TRIM24: variants seen among roughly 807,000 people sequenced by gnomAD.
TRIM24 encodes transcription intermediary factor 1-alpha.
In TRIM24, 29 loss-of-function variants were observed where a neutral mutation model predicts 123.9. The ratio of observed to expected loss-of-function variants is 0.23; its 90% CI spans 0.17 to 0.32. The LOEUF is 0.32. Among genes scored for constraint, TRIM24 ranks in the 10% least tolerant of loss-of-function variants. The probability of loss-of-function intolerance (pLI) is 1.00; values close to 1 mark genes in which losing one functional copy is unlikely to be tolerated. For missense variants in TRIM24, 932 were observed against 1,295.3 expected (o/e 0.72, Z 4.31); for synonymous variants, 456 against 461.1 (o/e 0.99, Z 0.14).
chr7:138,550,535 G>A (rs1797190190), intron 7 of TRIM24, among the ~76,000 whole-genome samples: 1 of 152,126 alleles, frequency 6.6e-6, no homozygotes, highest in African/African-American at 2.4e-5. Flanking sequence ...ATTGATGACT[G>A]CAGCGTGGAG....
Position 138,519,338 on chromosome 7 carries a change from T to TTA in TRIM24, c.764+26_764+27dup. ...AGAGCATAGGTACCAGCATCTTTGG[T>TTA]TATATATATAGATTCATATGCAGCT... On this transcript the variant is annotated intron_variant, in intron 4 of 18. Coordinates refer to ENST00000343526, the MANE Select transcript of TRIM24 (RefSeq NM_015905.3). The TTA allele has an allele frequency of 6.3e-7, 1 of 1,586,586 alleles. No homozygotes were observed. Among genetic ancestry groups the TTA allele is most frequent in the Non-Finnish European group, 8.6e-7 (1 of 1,168,970 alleles).
chr7:138,475,583 G>A (rs1276177220), intron 1 of TRIM24, among the ~76,000 whole-genome samples: 1 of 152,146 alleles, frequency 6.6e-6, no homozygotes, highest in African/African-American at 2.4e-5. Context: ...GTGCAGTGGT[G>A]TGATCTCACT....
chr7:138,580,790 T>C (rs1467993484), intron 16 of TRIM24, 96 bp downstream of exon 16: 3 of 1,149,384 alleles, frequency 2.6e-6, no homozygotes, highest in Non-Finnish European at 3.5e-6. Flanking sequence ...GATTTTATAC[T>C]GATCCTTTTT....
chr7:138,479,968 G>A (rs115876002), intron 1 of TRIM24, among the ~76,000 whole-genome samples: 3,143 of 151,644 alleles, frequency 0.021, 109 homozygotes, highest in African/African-American at 0.072. Flanking sequence ...ACAGACATGC[G>A]CCAACACCTC....
At position 138,460,853 on chromosome 7, in the gene TRIM24, C is replaced by T. The variant is rs1274262303; in HGVS notation, c.305C>T (p.Pro102Leu). The T allele has an allele frequency of 6.4e-7, 1 of 1,558,370 alleles. No individual in the cohort carries two copies. Among genetic ancestry groups the T allele is most frequent in the Non-Finnish European group, 8.6e-7 (1 of 1,160,884 alleles). ...CCCATGCTGGGCTCGGCCGAGACCC[C>T]GCCACCCGTCCCTGCCCCCGGCTCG... is the stretch of plus-strand genomic sequence containing the variant. ...PAPMLGSAET[P>L]PPVPAPGSPV... Residue 102 changes from proline (P) to leucine (L), a missense_variant, in exon 1 of 19, where the codon CCG becomes CTG. Transcript: ENST00000343526.
chr7:138,554,570 G>T lies in TRIM24; in HGVS notation c.1262-128G>T. On this transcript the variant is annotated intron_variant, in intron 8 of 18. Coordinates refer to ENST00000343526, the MANE Select transcript of TRIM24 (RefSeq NM_015905.3). The surrounding 1 kb of genome is among the most constrained non-coding windows in gnomAD (Gnocchi z 4.5). The stretch of plus-strand genomic sequence containing the variant: ...CTGTTTGGGGGTTCTCTTTCAGAGT[G>T]TTAAAGGGCTCATGAGATCAGAGAA... 1 of 937,088 alleles carries T rather than the reference G, an allele frequency of 1.1e-6. No individual in the cohort carries two copies. Among genetic ancestry groups the T allele is most frequent in the East Asian group, 2.6e-5 (1 of 38,442 alleles). 58.0% of individuals were successfully genotyped at this position (937,088 alleles called of 1,614,324 possible). A position where few individuals can be genotyped will look rare whatever the true frequency, so the allele number is the denominator to read the frequency against.
intron 1 of TRIM24, among the ~76,000 whole-genome samples, chr7:138,496,597 A>G (rs146845795): frequency 1.3e-5 from 2 of 152,188 alleles, no homozygotes; most frequent in East Asian, 1.9e-4. Context: ...AGAAGTTTCC[A>G]TCTGTTGTTA....
intron 11 of TRIM24, among the ~76,000 whole-genome samples, chr7:138,571,396 A>C (rs1584744948): frequency 6.6e-6 from 1 of 152,348 alleles, no homozygotes; most frequent in South Asian, 2.1e-4. Flanking sequence ...AATCCTTTAG[A>C]ATATTACAAC....
chr7:138,546,047 A>C (rs1308947456), intron 7 of TRIM24, among the ~76,000 whole-genome samples: 1 of 152,222 alleles, frequency 6.6e-6, no homozygotes, highest in Non-Finnish European at 1.5e-5. Flanking sequence ...AGGACTAATT[A>C]GTGGCTGTAA....
intron 9 of TRIM24, among the ~76,000 whole-genome samples, chr7:138,563,495 A>G (rs1797469714): frequency 6.6e-6 from 1 of 151,972 alleles, no homozygotes; most frequent in Admixed American, 6.6e-5. Flanking sequence ...CACTGCTAAC[A>G]TATTGGCCTT....
intron 1 of TRIM24, among the ~76,000 whole-genome samples, chr7:138,488,059 G>A (rs139452847): frequency 0.013 from 1,963 of 151,932 alleles, 38 homozygotes; most frequent in African/African-American, 0.045. Flanking sequence ...ACTTCTTCCT[G>A]GTTTAGTCTT....
At chr7:138,518,364 G>A (rs1038331123) in intron 3 of TRIM24, among the ~76,000 whole-genome samples, 2 of 152,106 alleles carry the variant, frequency 1.3e-5, no homozygotes, top group African/African-American at 4.8e-5. Flanking sequence ...AATTATCTCT[G>A]GAGGTAAGAT....
intron 14 of TRIM24, among the ~76,000 whole-genome samples, chr7:138,577,877 C>G (rs1797795530): frequency 6.6e-6 from 1 of 152,074 alleles, no homozygotes; most frequent in Non-Finnish European, 1.5e-5. Context: ...TGAAGATTAA[C>G]TAAACATTTT....
At chr7:138,501,758 G>A (rs990486164) in intron 1 of TRIM24, among the ~76,000 whole-genome samples, 7 of 151,600 alleles carry the variant, frequency 4.6e-5, no homozygotes, top group Admixed American at 3.3e-4. Context: ...GTGGTGGCAC[G>A]TTGCCTGTAG....
chr7:138,462,667 G>T (rs1237789836), intron 1 of TRIM24, among the ~76,000 whole-genome samples: 4 of 151,844 alleles, frequency 2.6e-5, no homozygotes, highest in African/African-American at 7.3e-5. Flanking sequence ...TTTGGCTTAT[G>T]CTGTTCCTGT....
At chr7:138,563,752 G>C (rs1364047022) in intron 9 of TRIM24, among the ~76,000 whole-genome samples, 1 of 152,182 alleles carries the variant, frequency 6.6e-6, no homozygotes, top group African/African-American at 2.4e-5. Context: ...CATAAAACTG[G>C]CTAGGGCTCT....
chr7:138,538,589 C>G (rs1563052330), intron 6 of TRIM24, 68 bp from the exon 7 acceptor site: 4 of 1,506,110 alleles, frequency 2.7e-6, no homozygotes, highest in Non-Finnish European at 2.7e-6. Context: ...ATTTGTTTAC[C>G]TGGAAATGAC....
chr7:138,468,139 A>G (rs1359263021), intron 1 of TRIM24, among the ~76,000 whole-genome samples: 1 of 152,222 alleles, frequency 6.6e-6, no homozygotes, highest in African/African-American at 2.4e-5. Flanking sequence ...GCTGTTTTCT[A>G]TAGATGCCCA....
intron 1 of TRIM24, among the ~76,000 whole-genome samples, chr7:138,478,418 G>T (rs1245971986): frequency 6.6e-6 from 1 of 152,150 alleles, no homozygotes; most frequent in Non-Finnish European, 1.5e-5. Flanking sequence ...GAGGCAGGAG[G>T]ATCGCTTGAG....
Sources: gnomAD v4.1 joint callset for allele counts (sites outside exome capture counted in the v4.1 genomes callset) on GRCh38, gnomAD v4.1.1 for gene constraint, Gnocchi (gnomAD v3.1) non-coding constraint, MANE v1.5 for transcripts, NCBI Gene and HGNC (gene_info 2026-07-23, HGNC 2026-07-21) for gene names.